The following KDM7A variants were observed in gnomAD, a reference collection of about 807,000 sequenced individuals.
KDM7A encodes lysine demethylase 7A, also known as lysine-specific demethylase 7A.
A neutral mutation model predicts 114.8 loss-of-function variants in KDM7A; 28 were observed. The ratio of observed to expected loss-of-function variants is 0.24; its 90% CI spans 0.18 to 0.33. The LOEUF (loss-of-function observed/expected upper bound fraction) is 0.33, where lower values mean the gene tolerates loss of function less well. Ranked by LOEUF, KDM7A falls within the 10% of genes least tolerant of loss-of-function variation. The pLI is 1.00. For synonymous variants in KDM7A, 423 were observed against 397.8 expected, an observed-to-expected ratio of 1.06 and a Z score of -0.75; for missense variants, 942 against 1,142.5, an observed-to-expected ratio of 0.82 and a Z score of 2.53.
chr7:140,116,394 T>A (rs758020998), intron 9 of KDM7A, among the ~76,000 whole-genome samples: 2 of 152,196 alleles, frequency 1.3e-5, no homozygotes, highest in African/African-American at 4.8e-5. Flanking sequence ...AGAATACCAG[T>A]ATGAATTTAT....
At chr7:140,161,205 A>G (rs1794515028) in intron 1 of KDM7A, among the ~76,000 whole-genome samples, 1 of 152,272 alleles carries the variant, frequency 6.6e-6, no homozygotes, top group Non-Finnish European at 1.5e-5. Flanking sequence ...ACATTGTAGC[A>G]TATGTGACAA....
chr7:140,154,326 A>C (rs951303715), intron 1 of KDM7A, among the ~76,000 whole-genome samples: 15 of 151,732 alleles, frequency 9.9e-5, no homozygotes, highest in Non-Finnish European at 1.9e-4. Flanking sequence ...ACTACAAAAA[A>C]AAAAAAAGTT....
At chr7:140,108,044 T>C (rs1818368601) in intron 11 of KDM7A, among the ~76,000 whole-genome samples, 1 of 152,212 alleles carries the variant, frequency 6.6e-6, no homozygotes, top group Admixed American at 6.5e-5. Context: ...ACTGATACCC[T>C]TTCTTCCACT....
At chr7:140,175,878 C>T (rs1794699251) in intron 1 of KDM7A, among the ~76,000 whole-genome samples, 2 of 152,110 alleles carry the variant, frequency 1.3e-5, no homozygotes, top group African/African-American at 4.8e-5. Context: ...GCGATGGCAA[C>T]TGCACTCTTT....
intron 18 of KDM7A, among the ~76,000 whole-genome samples, chr7:140,092,903 A>G (rs1404571831): frequency 6.6e-6 from 1 of 152,174 alleles, no homozygotes; most frequent in Non-Finnish European, 1.5e-5. Context: ...AAAATCATAC[A>G]CCGAAAAGTA....
rs1817905024 is a variant in KDM7A, at chr7:140,085,190, C to T, written c.*5904G>A. On this transcript the variant is annotated 3_prime_UTR_variant, in exon 20 of 20. Coordinates refer to ENST00000397560, the MANE Select transcript of KDM7A (RefSeq NM_030647.2). ...ATGTCACACACATTGACTGCCTATA[C>T]AAACAAGACGAGACGCTATTCCGCA... The T allele has an allele frequency of 6.6e-6, 1 of 151,980 alleles. No homozygotes were observed. The highest frequency in any genetic ancestry group is 6.6e-5 in the Admixed American group (1 of 15,246). The allele number at this position is 151,980 out of a possible 1,614,324, so 9.4% of individuals were successfully genotyped here.
intron 9 of KDM7A, among the ~76,000 whole-genome samples, chr7:140,116,632 C>T (rs1414749990): frequency 6.6e-6 from 1 of 151,778 alleles, no homozygotes; most frequent in Non-Finnish European, 1.5e-5. Context: ...ATTCTTTACA[C>T]GGTATGAATG....
At chr7:140,121,638 T>G (rs1462002637) in intron 7 of KDM7A, among the ~76,000 whole-genome samples, 1 of 152,222 alleles carries the variant, frequency 6.6e-6, no homozygotes, top group Non-Finnish European at 1.5e-5. Context: ...TACTGGCATT[T>G]TGTGAGTGGG....
chr7:140,102,435 T>G (rs986219135), intron 11 of KDM7A, among the ~76,000 whole-genome samples: 1 of 151,208 alleles, frequency 6.6e-6, no homozygotes, highest in Non-Finnish European at 1.5e-5. Context: ...GTGTGTGGAG[T>G]GCAGTGGTGC....
intron 11 of KDM7A, among the ~76,000 whole-genome samples, chr7:140,107,742 T>C (rs1818363726): frequency 6.6e-6 from 1 of 152,206 alleles, no homozygotes; most frequent in Admixed American, 6.5e-5. Context: ...ATCTGACAAT[T>C]ACGTGTCTTG....
intron 9 of KDM7A, 29 bp downstream of exon 9, chr7:140,119,081 TATC>T (rs1818577730): frequency 1.6e-6 from 2 of 1,281,024 alleles, no homozygotes; most frequent in Non-Finnish European, 2.3e-6. Context: ...ATATGCATCA[TATC>T]ATATACAAAC....
At chr7:140,101,398 G>T (rs1337612496) in intron 12 of KDM7A, among the ~76,000 whole-genome samples, 1 of 152,122 alleles carries the variant, frequency 6.6e-6, no homozygotes, top group African/African-American at 2.4e-5. Context: ...CCCTCTGCCT[G>T]TAATGCCATT....
At chr7:140,130,354 T>TCTA (rs1818765405) in intron 3 of KDM7A, among the ~76,000 whole-genome samples, 1 of 152,094 alleles carries the variant, frequency 6.6e-6, no homozygotes, top group African/African-American at 2.4e-5. Flanking sequence ...GCACGGTGGC[T>TCTA]CATGTCTGTA....
intron 6 of KDM7A, among the ~76,000 whole-genome samples, chr7:140,125,770 C>G (rs958262107): frequency 1.3e-5 from 2 of 151,928 alleles, no homozygotes; most frequent in African/African-American, 4.8e-5. Flanking sequence ...GGTTCTTGCT[C>G]TGTTGCCCAG....
At chr7:140,127,720 T>C (rs527786337) in intron 4 of KDM7A, 137 bp from the exon 5 acceptor site, 18 of 779,854 alleles carry the variant, frequency 2.3e-5, no homozygotes, top group Non-Finnish European at 3.4e-5. Flanking sequence ...ATTTTCCCTA[T>C]ACTCTTAATT....
At chr7:140,151,959 T>C (rs1319671331) in intron 1 of KDM7A, among the ~76,000 whole-genome samples, 1 of 152,140 alleles carries the variant, frequency 6.6e-6, no homozygotes, top group Non-Finnish European at 1.5e-5. Context: ...TAAAAGATAA[T>C]AGCAAAAACA....
Position 140,096,578 on chromosome 7 carries a change from C to T in KDM7A, c.2351G>A (p.Arg784His), listed in dbSNP as rs759698827. 18 of 1,613,850 alleles carry T rather than the reference C, an allele frequency of 1.1e-5. No homozygotes were observed. Among genetic ancestry groups the T allele is most frequent in the East Asian group, 4.5e-5 (2 of 44,896 alleles). The change falls in exon 17 of 20, where the codon CGC (arginine) becomes CAC (histidine). Residue 784 changes from arginine to histidine, a missense_variant. Arg to His is a conservative substitution (Grantham distance 29). Coordinates refer to ENST00000397560, the MANE Select transcript of KDM7A (RefSeq NM_030647.2). ...GSNHEVRQLY[R>H]YDKPVECGYH... ...ACCACATTCCACTGGTTTATCATAG[C>T]GATACAACTGCCTAACCTCATGGTT... is the stretch of plus-strand genomic sequence containing the variant.
At chr7:140,148,661 T>G (rs1794368116) in intron 1 of KDM7A, among the ~76,000 whole-genome samples, 1 of 152,210 alleles carries the variant, frequency 6.6e-6, no homozygotes, top group Non-Finnish European at 1.5e-5. Flanking sequence ...TACAATGTTT[T>G]AACCCTGAGA....
intron 11 of KDM7A, among the ~76,000 whole-genome samples, chr7:140,109,424 A>G (rs1562948757): frequency 1.3e-5 from 2 of 152,170 alleles, no homozygotes; most frequent in Non-Finnish European, 2.9e-5. Context: ...TCCTTCTTTT[A>G]TAAGGCTGAG....
Sources: gnomAD v4.1 joint callset for allele counts (sites outside exome capture counted in the v4.1 genomes callset) on GRCh38, gnomAD v4.1.1 for gene constraint, MANE v1.5 for transcripts, NCBI Gene and HGNC (gene_info 2026-07-23, HGNC 2026-07-21) for gene names.